The following SERINC5 variants were observed in gnomAD, a reference collection of about 807,000 sequenced individuals.
SERINC5 encodes the protein serine incorporator 5, also known as chromosome 5 open reading frame 12.
Under a neutral mutation model 63.1 loss-of-function variants are expected in SERINC5, and 41 were observed. That is an observed-to-expected ratio of 0.65 (90% CI 0.51 to 0.84). The LOEUF (loss-of-function observed/expected upper bound fraction) is 0.84. Among genes scored for constraint, SERINC5 ranks in the 40% least tolerant of loss-of-function variants. The pLI is 0.00. For missense variants in SERINC5, 523 were observed against 573.0 expected (o/e 0.91, Z 0.89); for synonymous variants, 222 against 215.2 (o/e 1.03, Z -0.28).
chr5:80,231,536 TC>T (rs1751438445), intron 1 of SERINC5, among the ~76,000 whole-genome samples: 1 of 151,910 alleles, frequency 6.6e-6, no homozygotes, highest in African/African-American at 2.4e-5. Context: ...GGTCACCAGT[TC>T]CCAAAACACA....
At chr5:80,218,059 C>A (rs1364020283) in intron 1 of SERINC5, among the ~76,000 whole-genome samples, 1 of 152,212 alleles carries the variant, frequency 6.6e-6, no homozygotes, top group Non-Finnish European at 1.5e-5. Context: ...TAAAGGAAGT[C>A]ATCGTTAGTA....
intron 11 of SERINC5, among the ~76,000 whole-genome samples, chr5:80,131,430 G>A (rs111982624): frequency 2.2e-4 from 33 of 152,260 alleles, no homozygotes; most frequent in African/African-American, 7.7e-4. Flanking sequence ...TATTAGCAGC[G>A]TGAGAACAGA....
intron 9 of SERINC5, 99 bp from the exon 10 acceptor site, chr5:80,147,383 T>TGAATTGCCCGTA: frequency 8.0e-7 from 1 of 1,254,286 alleles, no homozygotes; most frequent in African/African-American, 1.5e-5. Flanking sequence ...TCCCAGGCCC[T>TGAATTGCCCGTA]TCAAAAGATG....
At chr5:80,215,559 T>C (rs1750624333) in intron 1 of SERINC5, among the ~76,000 whole-genome samples, 1 of 152,210 alleles carries the variant, frequency 6.6e-6, no homozygotes, top group Non-Finnish European at 1.5e-5. Flanking sequence ...TTATAGTTCC[T>C]TTATCTGGGT....
At chr5:80,134,977 A>C (rs1745102161), downstream of SERINC5, among the ~76,000 whole-genome samples, 1 of 152,258 alleles carries the variant, frequency 6.6e-6, no homozygotes, top group African/African-American at 2.4e-5. Context: ...GCTTGGACTA[A>C]AATGGACAAA....
intron 11 of SERINC5, chr5:80,116,298 C>G (rs1167894350): frequency 2.2e-6 from 1 of 456,118 alleles, no homozygotes; most frequent in Non-Finnish European, 4.4e-6. Flanking sequence ...TCTTAAGAGG[C>G]CTTAAGTCTT....
At chr5:80,214,533 A>G (rs1750576232) in intron 1 of SERINC5, among the ~76,000 whole-genome samples, 1 of 150,132 alleles carries the variant, frequency 6.7e-6, no homozygotes, top group South Asian at 2.1e-4. Flanking sequence ...AGAGTGAACT[A>G]TCACCATAAT....
chr5:80,116,157 G>C (rs564522660), intron 11 of SERINC5: 69 of 377,816 alleles, frequency 1.8e-4, no homozygotes, highest in Non-Finnish European at 3.4e-4. Context: ...GGCCTCTCTG[G>C]CACTCCATCT....
At chr5:80,180,960 T>C (rs11953632) in intron 2 of SERINC5, among the ~76,000 whole-genome samples, 34 of 152,246 alleles carry the variant, frequency 2.2e-4, no homozygotes, top group African/African-American at 7.5e-4. Context: ...GATACACATC[T>C]TGAAAGGTTT....
At chr5:80,217,485 T>C (rs920014153) in intron 1 of SERINC5, among the ~76,000 whole-genome samples, 1 of 152,176 alleles carries the variant, frequency 6.6e-6, no homozygotes, top group Non-Finnish European at 1.5e-5. Context: ...AGGAGCTCAT[T>C]TCACTGCTCT....
intron 2 of SERINC5, among the ~76,000 whole-genome samples, chr5:80,192,883 C>T (rs548149036): frequency 2.0e-5 from 3 of 152,282 alleles, no homozygotes; most frequent in South Asian, 2.1e-4. Context: ...GAAGGTCAGC[C>T]GAGTCACATC....
intron 1 of SERINC5, among the ~76,000 whole-genome samples, chr5:80,203,515 AT>A (rs923292776): frequency 6.6e-6 from 1 of 151,702 alleles, no homozygotes; most frequent in African/African-American, 2.4e-5. Context: ...CTTACAAAAA[AT>A]TTTTTCTTTA....
At chr5:80,114,505 T>G (rs999349962) in intron 11 of SERINC5, 1 of 206,442 alleles carries the variant, frequency 4.8e-6, no homozygotes, top group Non-Finnish European at 1.0e-5. Context: ...AATACAAAAA[T>G]TAGCTCACCA....
chr5:80,143,484 G>A lies in SERINC5; in HGVS notation c.*179C>T, dbSNP rs532475625. ...ATTTCAATTCCTTTGGGACAAACTG[G>A]TAGTTTCTTTTTGAATTTCAAAAGT... On this transcript the variant is annotated 3_prime_UTR_variant, in exon 12 of 12. Coordinates refer to ENST00000507668, the MANE Select transcript of SERINC5 (RefSeq NM_001174072.3). The A allele has an allele frequency of 1.5e-6, 2 of 1,359,664 alleles. No homozygotes were observed. The highest frequency in any genetic ancestry group is 2.7e-5 in the East Asian group (1 of 37,604). 84.2% of individuals were successfully genotyped at this position (1,359,664 alleles called of 1,614,324 possible).
At chr5:80,202,503 C>T (rs1749907315) in intron 2 of SERINC5, among the ~76,000 whole-genome samples, 1 of 152,038 alleles carries the variant, frequency 6.6e-6, no homozygotes, top group Non-Finnish European at 1.5e-5. Flanking sequence ...CTGGTGGGTA[C>T]AACGTGTGTT....
At chr5:80,206,772 C>T (rs1750184253) in intron 1 of SERINC5, among the ~76,000 whole-genome samples, 1 of 150,056 alleles carries the variant, frequency 6.7e-6, no homozygotes, top group African/African-American at 2.5e-5. Context: ...CTGGGTCCTG[C>T]CTCCTGAACC....
intron 1 of SERINC5, among the ~76,000 whole-genome samples, chr5:80,203,901 T>A (rs1374122062): frequency 6.6e-6 from 1 of 152,168 alleles, no homozygotes. Flanking sequence ...AGCACACACC[T>A]GGGCAGGGAC....
At chr5:80,190,730 G>C (rs1041701020) in intron 2 of SERINC5, among the ~76,000 whole-genome samples, 2 of 152,202 alleles carry the variant, frequency 1.3e-5, no homozygotes, top group Non-Finnish European at 2.9e-5. Context: ...AGGACCTAAT[G>C]TTCCCCAAAA....
chr5:80,206,972 C>T (rs1444760943), intron 1 of SERINC5, among the ~76,000 whole-genome samples: 1 of 151,706 alleles, frequency 6.6e-6, no homozygotes, highest in East Asian at 1.9e-4. Flanking sequence ...CTCTGTTACC[C>T]TGTGGTCTTA....
Sources: allele counts gnomAD v4.1 joint callset (sites outside exome capture counted in the v4.1 genomes callset), GRCh38; gene constraint gnomAD v4.1.1; transcripts MANE v1.5; gene names NCBI Gene and HGNC (gene_info 2026-07-23, HGNC 2026-07-21).